The following PIK3R5 variants were observed in gnomAD, a reference collection of about 807,000 sequenced individuals.
PIK3R5 encodes phosphoinositide-3-kinase regulatory subunit 5, also known as phosphoinositide 3-kinase regulatory subunit 5.
In PIK3R5, 32 loss-of-function variants were observed where a neutral mutation model predicts 94.9. That is an observed-to-expected ratio of 0.34 (90% CI 0.25 to 0.45). The LOEUF (loss-of-function observed/expected upper bound fraction) is 0.45. PIK3R5 is among the 20% of genes least tolerant of loss of function. The pLI is 1.00. For missense variants in PIK3R5, 853 were observed against 1,144.6 expected, an observed-to-expected ratio of 0.75 and a Z score of 3.68; for synonymous variants, 443 against 479.4, an observed-to-expected ratio of 0.92 and a Z score of 0.99.
Position 8,893,525 on chromosome 17 carries a change from G to T in PIK3R5, c.482+61C>A. The T allele has an allele frequency of 7.6e-7, 1 of 1,318,604 alleles. No individual in the cohort carries two copies. Among genetic ancestry groups the T allele is most frequent in the Admixed American group, 1.7e-5 (1 of 59,130 alleles). The allele number at this position is 1,318,604 out of a possible 1,614,324, so 81.7% of individuals were successfully genotyped here. ...TGAGTGGGGGAGGAGGGTGAAGGTG[G>T]AACAGTGCAGGGGTCCCAAACTCCC... is the stretch of plus-strand genomic sequence containing the variant. On this transcript the variant is annotated intron_variant, in intron 6 of 18. Transcript: ENST00000447110. This position sits in a 1 kb window ranked among gnomAD's most constrained non-coding sequence, Gnocchi z 5.1.
chr17:8,887,605 A>C lies in PIK3R5; in HGVS notation c.1695T>G (p.His565Gln). Residue 565 changes from histidine to glutamine, a missense_variant, in exon 11 of 19, where the codon CAT (histidine) becomes CAG (glutamine). This residue lies in a region of PIK3R5 where 319 missense variants were observed against 339.8 expected (regional missense o/e 0.94). Coordinates refer to ENST00000447110, the MANE Select transcript of PIK3R5 (RefSeq NM_001142633.3). ...QFFYVPVKRS[H>Q]GTSPGACPPP... ...GTGGACAGGCACCAGGGCTGGTCCC[A>C]TGACTTCGCTTCACAGGCACGTAGA... 1 of 1,610,364 alleles carries C rather than the reference A, an allele frequency of 6.2e-7. No homozygotes were observed. Among genetic ancestry groups the C allele is most frequent in the Non-Finnish European group, 8.5e-7 (1 of 1,178,402 alleles).
At position 8,918,762 on chromosome 17, in the gene PIK3R5, C is replaced by T. The variant is rs2090675459; in HGVS notation, c.-13-7255G>A. 5.3e-5 allele frequency among the ~76,000 whole-genome samples: 8 copies of T among 152,162 alleles called. 1 individual carries two copies. In the South Asian group the frequency reaches 1.7e-3, roughly 32 times the overall value. ...TATAAAGGGGAAAACAAGAACTTCTCAGTGGAGGAACCCAGCAGACAGCAC... is the reference window on the plus strand; with the variant it reads ...TATAAAGGGGAAAACAAGAACTTCTTAGTGGAGGAACCCAGCAGACAGCAC... On this transcript the variant is annotated intron_variant, in intron 1 of 18. Transcript: ENST00000447110.
At chr17:8,964,886 C>G (rs1340810353) in intron 1 of PIK3R5, among the ~76,000 whole-genome samples, 2 of 152,252 alleles carry the variant, frequency 1.3e-5, no homozygotes, top group East Asian at 3.8e-4. Flanking sequence ...CCACATCCTG[C>G]TGCTTTAACC....
chr17:8,927,026 G>A (rs2090896255), intron 1 of PIK3R5, among the ~76,000 whole-genome samples: 1 of 151,952 alleles, frequency 6.6e-6, no homozygotes, highest in African/African-American at 2.4e-5. Context: ...TAACATAAGA[G>A]ACCCTGAAAG....
intron 3 of PIK3R5, among the ~76,000 whole-genome samples, chr17:8,908,751 C>A (rs2090454428): frequency 6.6e-6 from 1 of 152,060 alleles, no homozygotes; most frequent in Admixed American, 6.5e-5. Context: ...TCTTTCCTGT[C>A]TTTGTTTTTA....
chr17:8,954,520 C>A (rs8078271), intron 1 of PIK3R5, among the ~76,000 whole-genome samples: 6,095 of 152,292 alleles, frequency 0.04, 395 homozygotes, highest in African/African-American at 0.14. Context: ...CTTCCCCAGG[C>A]TCTTATGCAG....
At chr17:8,960,745 T>A (rs533909444) in intron 1 of PIK3R5, among the ~76,000 whole-genome samples, 1 of 152,134 alleles carries the variant, frequency 6.6e-6, no homozygotes, top group African/African-American at 2.4e-5. Flanking sequence ...CCCTGCACTC[T>A]AACAAGGAAA....
At chr17:8,962,182 A>G (rs1432584600) in intron 1 of PIK3R5, among the ~76,000 whole-genome samples, 1 of 152,214 alleles carries the variant, frequency 6.6e-6, no homozygotes, top group Non-Finnish European at 1.5e-5. Flanking sequence ...AATGGGGGCA[A>G]TAATTGTAGC....
chr17:8,914,678 C>T (rs1178459316), intron 1 of PIK3R5, among the ~76,000 whole-genome samples: 3 of 152,218 alleles, frequency 2.0e-5, no homozygotes, highest in African/African-American at 4.8e-5. Flanking sequence ...TCTACTCAGC[C>T]GGCAAACTCG....
rs2090042812 is a variant in PIK3R5, at chr17:8,892,147, C to A, written c.483-1235G>T. Among the ~76,000 whole-genome samples, 1 of 152,138 alleles carries A rather than the reference C, an allele frequency of 6.6e-6. No individual in the cohort carries two copies. Among genetic ancestry groups the A allele is most frequent in the African/African-American group, 2.4e-5 (1 of 41,424 alleles). ...TTCCACACTGCGTTTAAACCCAGTG[C>A]AAAGGAGCACCACGCAGGGCAGCAT... On this transcript the variant is annotated intron_variant, in intron 6 of 18. Transcript: ENST00000447110. The surrounding 1 kb of genome is among the most constrained non-coding windows in gnomAD (Gnocchi z 4.3).
rs796715072 is a variant in PIK3R5, at chr17:8,907,644, G to A, written c.204+1430C>T. Among the ~76,000 whole-genome samples the A allele has an allele frequency of 2.1e-3, 289 of 139,432 alleles. 1 individual carries two copies. Among genetic ancestry groups the A allele is most frequent in the African/African-American group, 7.9e-3 (266 of 33,736 alleles). The allele number at this position is 139,432 out of a possible 152,430, so 91.5% of individuals were successfully genotyped here. A position where few individuals can be genotyped will look rare whatever the true frequency, so the allele number is the denominator to read the frequency against. On this transcript the variant is annotated intron_variant, in intron 3 of 18. Coordinates refer to ENST00000447110, the MANE Select transcript of PIK3R5 (RefSeq NM_001142633.3). ...TTTTTTTAACAAAAAAAAAAAAAAA[G>A]AGAGAGAGAGAGAGAAATAGGGTCT...
intron 13 of PIK3R5, 29 bp downstream of exon 13, chr17:8,886,448 A>G: frequency 6.3e-7 from 1 of 1,598,040 alleles, no homozygotes; most frequent in Non-Finnish European, 8.5e-7. Context: ...CAGGTGGGGA[A>G]GAGGCGGTTC....
Position 8,881,878 on chromosome 17 carries a change from C to A in PIK3R5, c.2209G>T (p.Ala737Ser). 1.9e-6 allele frequency: 3 copies of A among 1,612,262 alleles called. No homozygotes were observed. The highest frequency in any genetic ancestry group is 2.5e-6 in the Non-Finnish European group (3 of 1,178,758). Residue 737 changes from alanine to serine, a missense_variant, in exon 16 of 19, where the codon GCC becomes TCC. This residue lies in a region of PIK3R5 where 173 missense variants were observed against 274.1 expected (regional missense o/e 0.63). Coordinates refer to ENST00000447110, the MANE Select transcript of PIK3R5 (RefSeq NM_001142633.3). The surrounding 1 kb of genome is among the most constrained non-coding windows in gnomAD (Gnocchi z 4.8). ...CTCCAGCGACTTCGTCCACTGATGG[C>A]CCCCTGGAAATGCAGTGTAGCCAGA... ...LTLQIIYSKG[A>S]ISGRSRWSNL...
chr17:8,910,347 C>T (rs2090496103), intron 2 of PIK3R5, among the ~76,000 whole-genome samples: 1 of 152,160 alleles, frequency 6.6e-6, no homozygotes. Context: ...TTTTGCTTAA[C>T]GATAGCCCTC....
intron 1 of PIK3R5, among the ~76,000 whole-genome samples, chr17:8,928,419 A>G (rs1249213306): frequency 2.0e-5 from 3 of 152,226 alleles, no homozygotes; most frequent in African/African-American, 7.2e-5. Flanking sequence ...TGAACCATAA[A>G]CAGGATAAAG....
rs144492739 is a variant in PIK3R5 at position 8,938,754 on chromosome 17, A to G, written c.-14+26842T>C. Among the ~76,000 whole-genome samples, 27 of 152,376 alleles carry G rather than the reference A, an allele frequency of 1.8e-4. No individual in the cohort carries two copies. The East Asian group carries it at 3.1e-3, about 17-fold the overall frequency. On this transcript the variant is annotated intron_variant, in intron 1 of 18. Transcript: ENST00000447110. ...GAGTAATATTTCACTGTGTGGACAT[A>G]CCAAGAATTTCTCAGATACACTTGA...
chr17:8,911,102 T>G lies in PIK3R5; in HGVS notation c.103+290A>C, dbSNP rs1353437506. On this transcript the variant is annotated intron_variant, in intron 2 of 18. Transcript: ENST00000447110. The surrounding 1 kb of genome is among the most constrained non-coding windows in gnomAD (Gnocchi z 5.3). ...CCAGCTGCTTTTTCAGAATCAGCAGTTGTGGTTTTCTAAGCAGATTCGATG... is the reference window on the plus strand; with the variant it reads ...CCAGCTGCTTTTTCAGAATCAGCAGGTGTGGTTTTCTAAGCAGATTCGATG... 6.6e-6 allele frequency among the ~76,000 whole-genome samples: 1 copy of G among 152,022 alleles called. No individual in the cohort carries two copies. Among genetic ancestry groups the G allele is most frequent in the East Asian group, 1.9e-4 (1 of 5,190 alleles).
rs61759581 is a variant in PIK3R5, at chr17:8,907,244, G to A, written c.205-1507C>T. On this transcript the variant is annotated intron_variant, in intron 3 of 18. Transcript: ENST00000447110. ...GATGGGGTCTCACCATGTTGGCCAGGATGGTCTTGATCTCCAGACCTCATG... is the reference window on the plus strand; with the variant it reads ...GATGGGGTCTCACCATGTTGGCCAGAATGGTCTTGATCTCCAGACCTCATG... 4.6e-3 allele frequency among the ~76,000 whole-genome samples: 694 copies of A among 151,990 alleles called. 4 individuals are homozygous for A. The highest frequency in any genetic ancestry group is 0.016 in the African/African-American group (657 of 41,444).
chr17:8,890,137 A>G lies in PIK3R5; in HGVS notation c.658-11T>C. On this transcript the variant is annotated splice_polypyrimidine_tract_variant and intron_variant, in intron 7 of 18. Transcript: ENST00000447110. This position sits in a 1 kb window ranked among gnomAD's most constrained non-coding sequence, Gnocchi z 6.1. ...TGCCAGGGTCTTGGCCTGAAACCCC[A>G]GGAGGAGATGGGCTTTGCTCCTGGA... 6.2e-7 allele frequency: 1 copy of G among 1,613,444 alleles called. No homozygotes were observed. Among genetic ancestry groups the G allele is most frequent in the Non-Finnish European group, 8.5e-7 (1 of 1,179,784 alleles).
Sources: gnomAD v4.1 joint callset for allele counts (sites outside exome capture counted in the v4.1 genomes callset) on GRCh38, gnomAD v4.1.1 for gene constraint, gnomAD v4.1.1 regional missense constraint, Gnocchi (gnomAD v3.1) non-coding constraint, MANE v1.5 for transcripts, NCBI Gene and HGNC (gene_info 2026-07-23, HGNC 2026-07-21) for gene names.